ATAD1: variants seen among roughly 807,000 people sequenced by gnomAD.
ATAD1 encodes the protein outer mitochondrial transmembrane helix translocase.
Under a neutral mutation model 42.7 loss-of-function variants are expected in ATAD1, and 18 were observed. The observed-to-expected ratio is 0.42, with a 90% CI of 0.29 to 0.63. The LOEUF (loss-of-function observed/expected upper bound fraction) is 0.63, where lower values mean the gene tolerates loss of function less well. ATAD1 is among the 20% of genes least tolerant of loss of function. The pLI is 0.19. For missense variants in ATAD1, 294 were observed against 440.4 expected (o/e 0.67, Z 2.98); for synonymous variants, 132 against 143.1 (o/e 0.92, Z 0.55).
chr10:87,757,317 A>G (rs1435043394), intron 8 of ATAD1, among the ~76,000 whole-genome samples: 4 of 151,926 alleles, frequency 2.6e-5, no homozygotes, highest in Admixed American at 2.6e-4. Context: ...TTTAATTGTA[A>G]TGCTTGGTAT....
intron 5 of ATAD1, among the ~76,000 whole-genome samples, chr10:87,778,178 T>TAAAA (rs377243162): frequency 1.8e-4 from 16 of 88,740 alleles, no homozygotes; most frequent in East Asian, 3.3e-4. Flanking sequence ...TAGAATAAAT[T>TAAAA]AAAAAAAAAA....
intron 5 of ATAD1, among the ~76,000 whole-genome samples, chr10:87,776,675 G>C (rs1855320844): frequency 6.6e-6 from 1 of 151,852 alleles, no homozygotes; most frequent in South Asian, 2.1e-4. Flanking sequence ...TGACTATGTT[G>C]TCAAGGCTGG....
Position 87,784,554 on chromosome 10 carries a change from A to G in ATAD1, c.499T>C (p.Tyr167His). 6.2e-7 allele frequency: 1 copy of G among 1,613,826 alleles called. No individual in the cohort carries two copies. The highest frequency in any genetic ancestry group is 8.5e-7 in the Non-Finnish European group (1 of 1,179,880). The change falls in exon 5 of 10, where the codon TAT becomes CAT. Residue 167 changes from tyrosine (Y) to histidine (H), a missense_variant. Tyr to His is a moderately conservative substitution (Grantham distance 83). This residue lies in a region of ATAD1 where 31 missense variants were observed against 78.6 expected (regional missense o/e 0.39). Transcript: ENST00000680024. ...LQPSTLTDKW[Y>H]GESQKLAAAV... ...GCAGCCAATTTCTGAGATTCTCCAT[A>G]CCACTTATCGGTCAGTGTCGAAGGC...
intron 9 of ATAD1, 41 bp from the exon 10 acceptor site, chr10:87,754,848 A>G: frequency 6.3e-7 from 1 of 1,585,172 alleles, no homozygotes; most frequent in South Asian, 1.1e-5. Context: ...AAATAACTTT[A>G]GAATATGCCT....
At chr10:87,827,256 A>G (rs1351633234) in intron 1 of ATAD1, among the ~76,000 whole-genome samples, 1 of 152,254 alleles carries the variant, frequency 6.6e-6, no homozygotes, top group African/African-American at 2.4e-5. Flanking sequence ...TTTATGCAGT[A>G]TTTGAGAAAT....
chr10:87,795,930 C>G (rs934883836), intron 2 of ATAD1, among the ~76,000 whole-genome samples: 1 of 152,166 alleles, frequency 6.6e-6, no homozygotes, highest in Admixed American at 6.5e-5. Context: ...GAAACAAGGA[C>G]AACCTCTGAT....
At position 87,752,677 on chromosome 10, in the gene ATAD1, A is replaced by G. The variant is rs1259939900; in HGVS notation, c.*2010T>C. On this transcript the variant is annotated 3_prime_UTR_variant, in exon 10 of 10. Transcript: ENST00000680024. ...TATGTGAAATGCATGTCTAAAACAG[A>G]AGGATAGATGTTACATAACACTAAA... 6.6e-6 allele frequency: 1 copy of G among 152,190 alleles called. No homozygotes were observed. The highest frequency in any genetic ancestry group is 1.5e-5 in the Non-Finnish European group (1 of 68,034). 9.4% of individuals were successfully genotyped at this position (152,190 alleles called of 1,614,324 possible).
At chr10:87,832,321 G>A (rs934095850) in intron 1 of ATAD1, 4 of 151,418 alleles carry the variant, frequency 2.6e-5, no homozygotes, top group East Asian at 1.9e-4. Context: ...TTGAGCCCAC[G>A]AGTTTGAGGC....
chr10:87,833,727 C>CTTTTTTTTTTTTTT (rs3033524), intron 1 of ATAD1, among the ~76,000 whole-genome samples: 7 of 100,766 alleles, frequency 6.9e-5, no homozygotes, highest in Non-Finnish European at 1.1e-4. Flanking sequence ...TCTTTCTTTC[C>CTTTTTTTTTTTTTT]TTTTTTTTTT....
chr10:87,792,821 T>C (rs1360676586), intron 2 of ATAD1, 66 bp from the exon 3 acceptor site: 3 of 1,191,112 alleles, frequency 2.5e-6, no homozygotes, highest in African/African-American at 3.0e-5. Context: ...TCGAAATAGA[T>C]ATATGTGAAG....
intron 5 of ATAD1, 59 bp downstream of exon 5, chr10:87,784,411 T>A: frequency 6.6e-7 from 1 of 1,506,250 alleles, no homozygotes; most frequent in Non-Finnish European, 9.1e-7. Context: ...CTAAATCTGG[T>A]TATCTAAATA....
In ATAD1 at chr10:87,756,991, C is replaced by T; in HGVS notation, c.832-69G>A. The T allele has an allele frequency of 5.4e-6, 7 of 1,291,334 alleles. No homozygotes were observed. The South Asian group carries it at 1.4e-4, about 26-fold the overall frequency. The allele number at this position is 1,291,334 out of a possible 1,614,324, so 80.0% of individuals were successfully genotyped here. On this transcript the variant is annotated intron_variant, in intron 8 of 9. Transcript: ENST00000680024. ...TATTGTAAATGATACTACCAAACAC[C>T]CATCTTAAAGAAAGTTAAGCATATT...
intron 8 of ATAD1, among the ~76,000 whole-genome samples, chr10:87,765,658 C>T (rs1346858810): frequency 6.6e-6 from 1 of 152,114 alleles, no homozygotes; most frequent in African/African-American, 2.4e-5. Context: ...ATACAGTTCA[C>T]AGAAAAAAAT....
At chr10:87,769,494 C>A (rs1854925987) in intron 7 of ATAD1, among the ~76,000 whole-genome samples, 1 of 152,194 alleles carries the variant, frequency 6.6e-6, no homozygotes, top group Non-Finnish European at 1.5e-5. Context: ...TCATCAACAT[C>A]TCAGGCTCTC....
At chr10:87,758,717 A>G (rs545648606) in intron 8 of ATAD1, among the ~76,000 whole-genome samples, 2 of 152,176 alleles carry the variant, frequency 1.3e-5, no homozygotes, top group South Asian at 4.1e-4. Context: ...TTTACTCAAA[A>G]TGCATAATTG....
At chr10:87,798,701 A>G (rs1856535019) in intron 2 of ATAD1, among the ~76,000 whole-genome samples, 1 of 144,856 alleles carries the variant, frequency 6.9e-6, no homozygotes, top group Non-Finnish European at 1.5e-5. Context: ...TTTAATTGGC[A>G]ATTAAATCCA....
At chr10:87,765,504 G>A (rs1465851370) in intron 8 of ATAD1, among the ~76,000 whole-genome samples, 1 of 148,630 alleles carries the variant, frequency 6.7e-6, no homozygotes, top group Non-Finnish European at 1.5e-5. Context: ...TGGGGGGGAA[G>A]AAAACTCCAA....
chr10:87,786,061 C>T (rs988353948), intron 4 of ATAD1, among the ~76,000 whole-genome samples: 2 of 152,126 alleles, frequency 1.3e-5, no homozygotes, highest in Non-Finnish European at 2.9e-5. Flanking sequence ...CTTCTACTGA[C>T]ATTTTTCTTT....
At chr10:87,826,459 G>A (rs988450102) in intron 1 of ATAD1, among the ~76,000 whole-genome samples, 3 of 152,214 alleles carry the variant, frequency 2.0e-5, no homozygotes, top group African/African-American at 7.2e-5. Context: ...AAAGGGGAGA[G>A]TAAAGGAGAG....
Sources: gnomAD v4.1 joint callset for allele counts (sites outside exome capture counted in the v4.1 genomes callset) on GRCh38, gnomAD v4.1.1 for gene constraint, gnomAD v4.1.1 regional missense constraint, MANE v1.5 for transcripts, NCBI Gene and HGNC (gene_info 2026-07-23, HGNC 2026-07-21) for gene names.